Variants in ITGA9 observed in about 807,000 individuals in gnomAD.
ITGA9 encodes the protein integrin alpha-9.
ITGA9 carries 56 observed loss-of-function variants against 127.8 expected under a neutral mutation model. The ratio of observed to expected loss-of-function variants is 0.44; its 90% CI spans 0.35 to 0.55. ITGA9 has a LOEUF of 0.55. Among genes scored for constraint, ITGA9 ranks in the 20% least tolerant of loss-of-function variants. The pLI is 0.00. For missense variants in ITGA9, 1,196 were observed against 1,347.1 expected, an observed-to-expected ratio of 0.89 and a Z score of 1.76; for synonymous variants, 508 against 514.5, an observed-to-expected ratio of 0.99 and a Z score of 0.17.
At chr3:37,710,250 T>A (rs1701063786) in intron 18 of ITGA9, among the ~76,000 whole-genome samples, 1 of 152,104 alleles carries the variant, frequency 6.6e-6, no homozygotes, top group South Asian at 2.1e-4. Context: ...TTGCTCCACG[T>A]TACAAAGCTA....
At chr3:37,704,740 C>T (rs1479298871) in intron 18 of ITGA9, among the ~76,000 whole-genome samples, 1 of 152,082 alleles carries the variant, frequency 6.6e-6, no homozygotes, top group Non-Finnish European at 1.5e-5. Flanking sequence ...CTTGTAGACA[C>T]CAAAGAAATT....
intron 18 of ITGA9, among the ~76,000 whole-genome samples, chr3:37,701,466 A>G (rs1040937372): frequency 6.6e-6 from 1 of 152,200 alleles, no homozygotes; most frequent in African/African-American, 2.4e-5. Flanking sequence ...GCTTACTCCC[A>G]CTGGGGAACC....
At chr3:37,492,847 T>G (rs867164648) in intron 4 of ITGA9, among the ~76,000 whole-genome samples, 1 of 152,240 alleles carries the variant, frequency 6.6e-6, no homozygotes, top group Non-Finnish European at 1.5e-5. Flanking sequence ...TTGTTTAGGT[T>G]GAGACATTTT....
chr3:37,634,323 A>G (rs1483751392), intron 16 of ITGA9, among the ~76,000 whole-genome samples: 2 of 151,854 alleles, frequency 1.3e-5, no homozygotes, highest in African/African-American at 2.4e-5. Context: ...TTAAAAAAAA[A>G]AAAACAAAAA....
In ITGA9 at chr3:37,642,698, T is replaced by C. The variant is rs1476605141; in HGVS notation, c.1840-11016T>C. Among the ~76,000 whole-genome samples, 4 of 152,216 alleles carry C rather than the reference T, an allele frequency of 2.6e-5. No homozygotes were observed. The East Asian group carries it at 7.7e-4, about 29-fold the overall frequency. On this transcript the variant is annotated intron_variant, in intron 16 of 27. Coordinates refer to ENST00000264741, the MANE Select transcript of ITGA9 (RefSeq NM_002207.3). Reference sequence around the variant, plus strand: ...GCTGGTGAAAGAAAAGGTGTCGGCTTTGTTGAGAAGTCTTACTTTGTTGTC... The same window carrying C: ...GCTGGTGAAAGAAAAGGTGTCGGCTCTGTTGAGAAGTCTTACTTTGTTGTC...
At chr3:37,743,001 C>A (rs1696456907) in intron 21 of ITGA9, among the ~76,000 whole-genome samples, 1 of 152,100 alleles carries the variant, frequency 6.6e-6, no homozygotes, top group African/African-American at 2.4e-5. Context: ...AAACATTCTC[C>A]CCACCACCCC....
intron 17 of ITGA9, among the ~76,000 whole-genome samples, chr3:37,671,361 G>A (rs1220476804): frequency 6.6e-6 from 1 of 152,216 alleles, no homozygotes; most frequent in Non-Finnish European, 1.5e-5. Flanking sequence ...ACAGGGAGGG[G>A]CCCACTGACT....
intron 15 of ITGA9, among the ~76,000 whole-genome samples, chr3:37,610,272 A>G (rs988710644): frequency 6.6e-6 from 1 of 152,176 alleles, no homozygotes; most frequent in African/African-American, 2.4e-5. Context: ...CCCCAGAGGA[A>G]GATTATTTTT....
chr3:37,632,386 C>G (rs1700237502), intron 16 of ITGA9, among the ~76,000 whole-genome samples: 1 of 151,952 alleles, frequency 6.6e-6, no homozygotes, highest in African/African-American at 2.4e-5. Flanking sequence ...TATTAGAAGA[C>G]AATGGTAAAT....
At chr3:37,737,991 CTG>C (rs961701981) in intron 20 of ITGA9, among the ~76,000 whole-genome samples, 15 of 152,168 alleles carry the variant, frequency 9.9e-5, no homozygotes, top group Non-Finnish European at 1.8e-4. Context: ...TCTTAATAAA[CTG>C]TAGTATAGTT....
chr3:37,588,666 A>G (rs375100076), intron 15 of ITGA9, among the ~76,000 whole-genome samples: 42 of 152,304 alleles, frequency 2.8e-4, no homozygotes, highest in African/African-American at 7.7e-4. Flanking sequence ...GTCTCCTGAG[A>G]ATGGGGTTCA....
At chr3:37,469,022 A>G (rs1424299067) in intron 1 of ITGA9, among the ~76,000 whole-genome samples, 1 of 152,242 alleles carries the variant, frequency 6.6e-6, no homozygotes, top group East Asian at 1.9e-4. Context: ...TCTTTGCTAT[A>G]GATCTTCTGT....
intron 17 of ITGA9, among the ~76,000 whole-genome samples, chr3:37,662,989 G>T (rs1475557298): frequency 6.6e-6 from 1 of 152,162 alleles, no homozygotes; most frequent in Non-Finnish European, 1.5e-5. Flanking sequence ...AGGATTCATG[G>T]ATGTTTTTAT....
intron 16 of ITGA9, among the ~76,000 whole-genome samples, chr3:37,633,024 G>A (rs945200453): frequency 6.6e-6 from 1 of 152,120 alleles, no homozygotes; most frequent in African/African-American, 2.4e-5. Context: ...CAAGATGTGG[G>A]ATACAAGAAA....
intron 11 of ITGA9, among the ~76,000 whole-genome samples, chr3:37,521,977 T>C (rs1699048671): frequency 6.6e-6 from 1 of 152,062 alleles, no homozygotes; most frequent in African/African-American, 2.4e-5. Flanking sequence ...TCTGATCACT[T>C]CTAGGAGGGT....
intron 17 of ITGA9, among the ~76,000 whole-genome samples, chr3:37,675,162 G>A (rs1700669386): frequency 6.6e-6 from 1 of 152,210 alleles, no homozygotes; most frequent in Admixed American, 6.5e-5. Context: ...TATCTTGCCA[G>A]AGGTACTGGG....
chr3:37,698,329 T>G (rs1700909399), intron 18 of ITGA9, among the ~76,000 whole-genome samples: 1 of 152,222 alleles, frequency 6.6e-6, no homozygotes, highest in East Asian at 1.9e-4. Context: ...GTGCAGAAGC[T>G]CTTTAGTTTA....
At chr3:37,556,994 G>T (rs1559535894) in intron 15 of ITGA9, among the ~76,000 whole-genome samples, 1 of 152,286 alleles carries the variant, frequency 6.6e-6, no homozygotes, top group East Asian at 1.9e-4. Context: ...TCTGCCTATT[G>T]CTTGAAGGAC....
At position 37,686,945 on chromosome 3, in the gene ITGA9, C is replaced by A. The variant is rs79166820; in HGVS notation, c.2067+2930C>A. ...GGCTAGTGAGGGGCACCAGGAGAGC[C>A]CCCCCAACCTGCTTAACAACCCACA... On this transcript the variant is annotated intron_variant, in intron 18 of 27. Coordinates refer to ENST00000264741, the MANE Select transcript of ITGA9 (RefSeq NM_002207.3). 7.3e-3 allele frequency among the ~76,000 whole-genome samples: 1,116 copies of A among 152,240 alleles called. 13 individuals are homozygous for A. The highest frequency in any genetic ancestry group is 0.025 in the African/African-American group (1,051 of 41,536).
Sources: allele counts gnomAD v4.1 joint callset (sites outside exome capture counted in the v4.1 genomes callset), GRCh38; gene constraint gnomAD v4.1.1; transcripts MANE v1.5; gene names NCBI Gene and HGNC (gene_info 2026-07-23, HGNC 2026-07-21).